The following TEX11 variants were observed in gnomAD, a reference collection of about 807,000 sequenced individuals.
TEX11 encodes the protein testis expressed 11.
In TEX11, 7 loss-of-function variants were observed where a neutral mutation model predicts 84.4. The observed-to-expected ratio is 0.08, with a 90% CI of 0.05 to 0.16. The LOEUF is 0.16. Among genes scored for constraint, TEX11 ranks in the 10% least tolerant of loss-of-function variants. The pLI is 1.00. For missense variants in TEX11, 551 were observed against 660.5 expected (o/e 0.83, Z 1.82); for synonymous variants, 264 against 222.8 (o/e 1.18, Z -1.64).
At chrX:70,602,400 C>G (rs371433931) in intron 24 of TEX11, among the ~76,000 whole-genome samples, 1 of 103,637 alleles carries the variant, frequency 9.6e-6, no homozygotes, top group Non-Finnish European at 2.0e-5. Context: ...GTTCAATATA[C>G]GCAAATCAAT....
At chrX:70,680,579 TAAAAA>T (rs34908221) in intron 14 of TEX11, among the ~76,000 whole-genome samples, 3 of 89,331 alleles carry the variant, frequency 3.4e-5, no homozygotes, top group Non-Finnish European at 2.2e-5. Flanking sequence ...AATGATCAAT[TAAAAA>T]AAAAAAAAAA....
chrX:70,610,680 A>G, intron 20 of TEX11, 137 bp from the exon 21 acceptor site: 2 of 527,741 alleles, frequency 3.8e-6, no homozygotes, highest in Non-Finnish European at 6.4e-6. Context: ...CAGGACTCCA[A>G]TCTACCATTT....
At chrX:70,568,732 C>T (rs1454202625) in intron 25 of TEX11, among the ~76,000 whole-genome samples, 1 of 111,323 alleles carries the variant, frequency 9.0e-6, no homozygotes, top group African/African-American at 3.3e-5. Context: ...TGAATATTGG[C>T]CCCCACTCTC....
chrX:70,537,587 AAG>A (rs1359043193), intron 28 of TEX11, among the ~76,000 whole-genome samples: 11 of 111,292 alleles, frequency 9.9e-5, no homozygotes, highest in African/African-American at 3.6e-4. Flanking sequence ...AAGGAAAAGA[AAG>A]AGAAAAAGAA....
intron 9 of TEX11, among the ~76,000 whole-genome samples, chrX:70,778,151 G>A (rs1223671404): frequency 9.0e-6 from 1 of 111,649 alleles, no homozygotes; most frequent in East Asian, 2.8e-4. Context: ...CAGAGACAAA[G>A]AAGGGCATTA....
chrX:70,674,916 T>C (rs1341966714), intron 15 of TEX11, among the ~76,000 whole-genome samples: 2 of 111,422 alleles, frequency 1.8e-5, no homozygotes, highest in African/African-American at 6.5e-5. Context: ...ATTATTTGAA[T>C]ATTTTTATGA....
At chrX:70,668,860 T>C (rs2089999153) in intron 16 of TEX11, among the ~76,000 whole-genome samples, 1 of 111,918 alleles carries the variant, frequency 8.9e-6, no homozygotes, top group Non-Finnish European at 1.9e-5. Context: ...CCTCATATCC[T>C]GGCCCCTTTA....
chrX:70,864,382 T>A (rs2091586305), intron 4 of TEX11, among the ~76,000 whole-genome samples: 1 of 110,587 alleles, frequency 9.0e-6, no homozygotes, highest in Non-Finnish European at 1.9e-5. Flanking sequence ...TAACAGTGGA[T>A]CTCTCTGCAG....
chrX:70,806,414 C>T (rs1409276986), intron 9 of TEX11, among the ~76,000 whole-genome samples: 1 of 107,455 alleles, frequency 9.3e-6, no homozygotes, highest in Admixed American at 1.0e-4. Context: ...AGAGATCATG[C>T]CATTGCACTC....
At position 70,740,782 on chromosome X, in the gene TEX11, C is replaced by T. The variant is rs1197572043; in HGVS notation, c.762G>A (p.Arg254=). ...AATCCAAATAATTCGTGGCTAATAG[C>T]CGTAGAACTTTAGCCTGTAAGAAAA... ...TGPEMLAKVL[R]LLATNYLDWD... Residue 254 remains arginine (R), a synonymous_variant, in exon 11 of 30, where the codon CGG becomes CGA. Coordinates refer to ENST00000374333, the MANE Select transcript of TEX11 (RefSeq NM_031276.3). 4 of 1,178,480 alleles carry T rather than the reference C, an allele frequency of 3.4e-6. No individual in the cohort carries two copies. Among genetic ancestry groups the T allele is most frequent in the Non-Finnish European group, 4.6e-6 (4 of 876,258 alleles).
At chrX:70,628,243 GCCACTATTA>G (rs1389894103) in intron 18 of TEX11, among the ~76,000 whole-genome samples, 5 of 99,148 alleles carry the variant, frequency 5.0e-5, no homozygotes, top group South Asian at 4.2e-4. Flanking sequence ...AAAAAAAAAA[GCCACTATTA>G]CATCAGGCAA....
chrX:70,639,602 T>TCCCTGAC (rs1316040884), intron 17 of TEX11, among the ~76,000 whole-genome samples: 6 of 111,571 alleles, frequency 5.4e-5, no homozygotes, highest in Admixed American at 1.9e-4. Flanking sequence ...CTCAAGTGGC[T>TCCCTGAC]CCCTGACCCC....
At chrX:70,798,028 G>GA (rs200739342) in intron 9 of TEX11, among the ~76,000 whole-genome samples, 6 of 101,894 alleles carry the variant, frequency 5.9e-5, no homozygotes, top group East Asian at 6.1e-4. Flanking sequence ...GCAAGATGAG[G>GA]GGGGGGGAAA....
chrX:70,824,480 A>G (rs1235943365), intron 8 of TEX11, among the ~76,000 whole-genome samples: 1 of 111,708 alleles, frequency 9.0e-6, no homozygotes, highest in Admixed American at 9.6e-5. Context: ...TGAGAGAGGA[A>G]AACCTTACTG....
At chrX:70,858,427 G>A (rs2091549153) in intron 5 of TEX11, among the ~76,000 whole-genome samples, 1 of 98,361 alleles carries the variant, frequency 1.0e-5, no homozygotes, top group African/African-American at 4.1e-5. Flanking sequence ...GGGCGACAGA[G>A]TGAGACTCCA....
At chrX:70,643,319 C>T (rs2089689678) in intron 17 of TEX11, among the ~76,000 whole-genome samples, 1 of 101,643 alleles carries the variant, frequency 9.8e-6, no homozygotes. Flanking sequence ...TAGGAAGAAT[C>T]AATATCGTGA....
At chrX:70,692,632 A>C (rs1188097886) in intron 13 of TEX11, among the ~76,000 whole-genome samples, 1 of 110,196 alleles carries the variant, frequency 9.1e-6, no homozygotes, top group East Asian at 2.8e-4. Flanking sequence ...ATAACATTCC[A>C]TCATATATAT....
At chrX:70,682,565 A>G (rs1338368741) in intron 14 of TEX11, 109 bp downstream of exon 14, 30 of 852,136 alleles carry the variant, frequency 3.5e-5, no homozygotes, top group Non-Finnish European at 5.0e-5. Context: ...GGAAGAAAAA[A>G]AGGAAGTGGA....
chrX:70,832,074 T>C (rs1354963039), intron 8 of TEX11, among the ~76,000 whole-genome samples: 1 of 111,451 alleles, frequency 9.0e-6, no homozygotes, highest in Non-Finnish European at 1.9e-5. Flanking sequence ...GCACCACCAA[T>C]AATAGTATAA....
Sources: allele counts gnomAD v4.1 joint callset (sites outside exome capture counted in the v4.1 genomes callset), GRCh38; gene constraint gnomAD v4.1.1; transcripts MANE v1.5; gene names NCBI Gene and HGNC (gene_info 2026-07-23, HGNC 2026-07-21).